The following NKAIN3 variants were observed in gnomAD, a reference collection of about 807,000 sequenced individuals.
The protein encoded by NKAIN3 is sodium/potassium-transporting ATPase subunit beta-1-interacting protein 3.
In NKAIN3, 25 loss-of-function variants were observed where a neutral mutation model predicts 30.2. That is an observed-to-expected ratio of 0.83 (90% CI 0.60 to 1.16). The LOEUF is 1.16. NKAIN3 is among the 50% of genes most tolerant of loss of function. The pLI is 0.00. For synonymous variants in NKAIN3, 91 were observed against 89.6 expected, an observed-to-expected ratio of 1.02 and a Z score of -0.09; for missense variants, 225 against 254.1, an observed-to-expected ratio of 0.89 and a Z score of 0.78.
At chr8:62,438,544 G>T (rs1805235531) in intron 1 of NKAIN3, among the ~76,000 whole-genome samples, 1 of 152,046 alleles carries the variant, frequency 6.6e-6, no homozygotes, top group Admixed American at 6.6e-5. Flanking sequence ...CATCAGTAGG[G>T]CCGGTGTCAT....
intron 4 of NKAIN3, among the ~76,000 whole-genome samples, chr8:62,846,728 C>G (rs754449290): frequency 3.3e-5 from 5 of 151,994 alleles, no homozygotes; most frequent in Non-Finnish European, 7.4e-5. Context: ...TTTAGTCTAT[C>G]CTTGGTAGGC....
At chr8:62,356,307 T>C (rs1474804754) in intron 1 of NKAIN3, among the ~76,000 whole-genome samples, 1 of 152,222 alleles carries the variant, frequency 6.6e-6, no homozygotes, top group Non-Finnish European at 1.5e-5. Flanking sequence ...AATCCCATTT[T>C]TTCTCATCAA....
intron 1 of NKAIN3, among the ~76,000 whole-genome samples, chr8:62,318,840 G>A (rs933581906): frequency 1.2e-4 from 19 of 152,196 alleles, no homozygotes; most frequent in African/African-American, 4.6e-4. Flanking sequence ...GGATGATGCT[G>A]GCCTCATAAA....
At chr8:62,776,185 T>A (rs191092003) in intron 4 of NKAIN3, among the ~76,000 whole-genome samples, 2 of 151,982 alleles carry the variant, frequency 1.3e-5, no homozygotes, top group Non-Finnish European at 2.9e-5. Flanking sequence ...CTTCTAGGGG[T>A]CTTATTTGTT....
At chr8:62,928,917 T>C (rs75503592) in intron 5 of NKAIN3, among the ~76,000 whole-genome samples, 3,969 of 152,056 alleles carry the variant, frequency 0.026, 150 homozygotes, top group African/African-American at 0.081. Flanking sequence ...AGACCCCGAG[T>C]AGAAACAGGC....
chr8:62,627,986 C>T (rs750604875), intron 3 of NKAIN3, among the ~76,000 whole-genome samples: 1 of 152,104 alleles, frequency 6.6e-6, no homozygotes, highest in African/African-American at 2.4e-5. Flanking sequence ...CTTCCTGGCA[C>T]TCAGTAAATG....
intron 3 of NKAIN3, among the ~76,000 whole-genome samples, chr8:62,626,961 T>C (rs997641083): frequency 6.6e-6 from 1 of 152,108 alleles, no homozygotes; most frequent in Non-Finnish European, 1.5e-5. Flanking sequence ...AAATTGCTAA[T>C]TGTATGATTT....
At chr8:62,390,191 T>C (rs1008988408) in intron 1 of NKAIN3, among the ~76,000 whole-genome samples, 1 of 152,098 alleles carries the variant, frequency 6.6e-6, no homozygotes, top group Non-Finnish European at 1.5e-5. Context: ...TCCCTTCCTT[T>C]ATCCCACTCC....
At chr8:62,906,520 G>C (rs554109812) in intron 4 of NKAIN3, among the ~76,000 whole-genome samples, 77 of 152,290 alleles carry the variant, frequency 5.1e-4, no homozygotes, top group Non-Finnish European at 9.9e-4. Context: ...TGGTTTGGCT[G>C]TGTCCCCACC....
intron 5 of NKAIN3, among the ~76,000 whole-genome samples, chr8:62,927,747 A>T (rs1307613105): frequency 1.3e-5 from 2 of 152,174 alleles, no homozygotes; most frequent in African/African-American, 4.8e-5. Context: ...TATGTCCTTA[A>T]AATATTAACT....
At chr8:62,379,734 T>C (rs1288529348) in intron 1 of NKAIN3, among the ~76,000 whole-genome samples, 2 of 151,784 alleles carry the variant, frequency 1.3e-5, no homozygotes, top group African/African-American at 2.4e-5. Flanking sequence ...CCTGTTTTCT[T>C]TGTAAATTAC....
intron 2 of NKAIN3, among the ~76,000 whole-genome samples, chr8:62,586,624 C>T (rs73257107): frequency 0.017 from 2,605 of 151,878 alleles, 72 homozygotes; most frequent in African/African-American, 0.061. Flanking sequence ...TGGTCTTTCT[C>T]GTAATTAGAA....
At chr8:62,769,413 T>C (rs77032991) in intron 4 of NKAIN3, among the ~76,000 whole-genome samples, 3,782 of 152,312 alleles carry the variant, frequency 0.025, 155 homozygotes, top group African/African-American at 0.086. Context: ...AATTGTCTTG[T>C]TTCAATTACT....
chr8:62,503,614 A>G (rs1585881434), intron 1 of NKAIN3, among the ~76,000 whole-genome samples: 1 of 152,028 alleles, frequency 6.6e-6, no homozygotes, highest in African/African-American at 2.4e-5. Context: ...CTCCCAGAGC[A>G]GCCGTCTATG....
At chr8:62,863,317 G>A in intron 4 of NKAIN3, 2 of 1,549,784 alleles carry the variant, frequency 1.3e-6, no homozygotes, top group Non-Finnish European at 1.8e-6. Flanking sequence ...CCCTGAAGGA[G>A]GAGGAATACC....
intron 4 of NKAIN3, among the ~76,000 whole-genome samples, chr8:62,850,743 T>G (rs1295498484): frequency 6.6e-6 from 1 of 152,112 alleles, no homozygotes; most frequent in Non-Finnish European, 1.5e-5. Flanking sequence ...TTTTCTCAGG[T>G]TTGTCAAAGA....
chr8:62,841,386 C>A (rs1464049242), intron 4 of NKAIN3, among the ~76,000 whole-genome samples: 1 of 151,960 alleles, frequency 6.6e-6, no homozygotes, highest in Non-Finnish European at 1.5e-5. Flanking sequence ...GCTATGGTCA[C>A]CCTGCTGTGC....
chr8:62,799,986 T>G (rs1818001679), intron 4 of NKAIN3, among the ~76,000 whole-genome samples: 2 of 152,016 alleles, frequency 1.3e-5, no homozygotes, highest in Admixed American at 6.6e-5. Flanking sequence ...CACTCATGAG[T>G]TGGAGCTAAG....
chr8:62,806,034 C>CA (rs576081859), intron 4 of NKAIN3, among the ~76,000 whole-genome samples: 12 of 151,872 alleles, frequency 7.9e-5, no homozygotes, highest in Middle Eastern at 3.4e-3. Context: ...TTTATGCAGC[C>CA]AAAAAAACAC....
Sources: gnomAD v4.1 joint callset for allele counts (sites outside exome capture counted in the v4.1 genomes callset) on GRCh38, gnomAD v4.1.1 for gene constraint, MANE v1.5 for transcripts, NCBI Gene and HGNC (gene_info 2026-07-23, HGNC 2026-07-21) for gene names.